The following ZNF521 variants were observed in gnomAD, a reference collection of about 807,000 sequenced individuals.
The protein encoded by ZNF521 is zinc finger protein 521, also known as LYST-interacting protein 3.
In ZNF521, 14 loss-of-function variants were observed where a neutral mutation model predicts 105.5. The observed-to-expected ratio is 0.13, with a 90% CI of 0.09 to 0.21. The LOEUF is 0.21. ZNF521 is among the 10% of genes least tolerant of loss of function. ZNF521 has a pLI of 1.00. For synonymous variants in ZNF521, 635 were observed against 606.0 expected, an observed-to-expected ratio of 1.05 and a Z score of -0.70; for missense variants, 1,233 against 1,629.7, an observed-to-expected ratio of 0.76 and a Z score of 4.19.
intron 4 of ZNF521, among the ~76,000 whole-genome samples, chr18:25,203,380 G>A (rs1253479931): frequency 1.3e-5 from 2 of 152,166 alleles, no homozygotes; most frequent in Non-Finnish European, 2.9e-5. Flanking sequence ...ATTTTGGGAG[G>A]CAGAGGTGAG....
chr18:25,223,705 C>T (rs1340756212), intron 4 of ZNF521, among the ~76,000 whole-genome samples: 1 of 151,140 alleles, frequency 6.6e-6, no homozygotes, highest in African/African-American at 2.4e-5. Context: ...AAAAAAAACG[C>T]ACACATTGAT....
chr18:25,216,061 T>C (rs1905307353), intron 4 of ZNF521, among the ~76,000 whole-genome samples: 1 of 152,356 alleles, frequency 6.6e-6, no homozygotes, highest in East Asian at 1.9e-4. Flanking sequence ...TTTTTGCTCT[T>C]TGCATAATTA....
chr18:25,341,676 A>G (rs886375365), intron 2 of ZNF521, among the ~76,000 whole-genome samples: 1 of 152,202 alleles, frequency 6.6e-6, no homozygotes, highest in African/African-American at 2.4e-5. Flanking sequence ...CGGTGCCAAA[A>G]ATGTTTTTGA....
intron 4 of ZNF521, among the ~76,000 whole-genome samples, chr18:25,210,115 T>C (rs923212482): frequency 3.3e-5 from 5 of 151,952 alleles, no homozygotes; most frequent in African/African-American, 4.8e-5. Flanking sequence ...GTAGATTACA[T>C]ACTATATAAA....
intron 3 of ZNF521, among the ~76,000 whole-genome samples, chr18:25,285,698 T>TCACA (rs66794523): frequency 0.089 from 13,071 of 146,946 alleles, 583 homozygotes; most frequent in South Asian, 0.13. Flanking sequence ...TCTCTCTCTC[T>TCACA]CACACACACA....
At chr18:25,201,621 C>T (rs1165450506) in intron 4 of ZNF521, 2 of 152,116 alleles carry the variant, frequency 1.3e-5, no homozygotes, top group African/African-American at 2.4e-5. Flanking sequence ...CCAGGATGTC[C>T]CATAGCTCTC....
Position 25,157,271 on chromosome 18 carries a change from T to C in ZNF521, c.3658+37889A>G, listed in dbSNP as rs146742751. On this transcript the variant is annotated intron_variant, in intron 5 of 7. Transcript: ENST00000361524. ...AAAATTGAAAATTAAAATGACAGATTGTTGCTACATATCTGATGGAGGGTT... is the reference window on the plus strand; with the variant it reads ...AAAATTGAAAATTAAAATGACAGATCGTTGCTACATATCTGATGGAGGGTT... 1.8e-4 allele frequency among the ~76,000 whole-genome samples: 28 copies of C among 152,302 alleles called. No individual in the cohort carries two copies. In the East Asian group the frequency reaches 4.0e-3, roughly 22 times the overall value.
intron 3 of ZNF521, among the ~76,000 whole-genome samples, chr18:25,248,625 T>C (rs1053948216): frequency 1.4e-4 from 22 of 152,220 alleles, no homozygotes; most frequent in Non-Finnish European, 3.1e-4. Flanking sequence ...ACTTTATCTT[T>C]ATCTAGATAA....
chr18:25,350,796 C>G (rs1232551879), intron 2 of ZNF521, 111 bp downstream of exon 2: 1 of 1,236,692 alleles, frequency 8.1e-7, no homozygotes, highest in Non-Finnish European at 1.1e-6. Context: ...CCCCCGCACT[C>G]ACACTCACAC....
chr18:25,338,889 A>C (rs1172454989), intron 2 of ZNF521, among the ~76,000 whole-genome samples: 2 of 152,234 alleles, frequency 1.3e-5, no homozygotes, highest in Admixed American at 1.3e-4. Flanking sequence ...AATAGAGAAC[A>C]GTTGTTAAAT....
At chr18:25,241,473 A>G (rs1002032383) in intron 3 of ZNF521, among the ~76,000 whole-genome samples, 3 of 152,202 alleles carry the variant, frequency 2.0e-5, no homozygotes, top group African/African-American at 7.2e-5. Flanking sequence ...ACAGGGAACA[A>G]TGCAAACATG....
At chr18:25,091,009 A>G (rs1466351478) in intron 6 of ZNF521, among the ~76,000 whole-genome samples, 1 of 152,240 alleles carries the variant, frequency 6.6e-6, no homozygotes, top group East Asian at 1.9e-4. Flanking sequence ...GTACTCAGTT[A>G]GTAATTGTGC....
intron 3 of ZNF521, among the ~76,000 whole-genome samples, chr18:25,231,951 A>C (rs1313029224): frequency 6.6e-6 from 1 of 152,212 alleles, no homozygotes; most frequent in Admixed American, 6.5e-5. Context: ...CCTGGTCTGC[A>C]AGAAACTGGC....
chr18:25,316,868 TTTTGA>T (rs1912656632), intron 3 of ZNF521, among the ~76,000 whole-genome samples: 1 of 115,780 alleles, frequency 8.6e-6, no homozygotes. Flanking sequence ...TTTTTTTTTT[TTTTGA>T]GACAGAGTTT....
At chr18:25,317,364 T>C (rs972806566) in intron 3 of ZNF521, among the ~76,000 whole-genome samples, 1 of 152,148 alleles carries the variant, frequency 6.6e-6, no homozygotes, top group African/African-American at 2.4e-5. Context: ...AATAATGCCT[T>C]TTGCTTCGAT....
intron 3 of ZNF521, among the ~76,000 whole-genome samples, chr18:25,275,030 T>A (rs1320295721): frequency 1.3e-5 from 2 of 152,144 alleles, no homozygotes; most frequent in Non-Finnish European, 2.9e-5. Context: ...ACAAACCTTA[T>A]CTGGGCTTTC....
At chr18:25,184,928 A>G (rs2035694858) in intron 5 of ZNF521, among the ~76,000 whole-genome samples, 1 of 152,218 alleles carries the variant, frequency 6.6e-6, no homozygotes, top group Non-Finnish European at 1.5e-5. Context: ...AGAATCTCTG[A>G]CTTCAATCCA....
At chr18:25,282,432 T>C (rs12961274) in intron 3 of ZNF521, among the ~76,000 whole-genome samples, 9,454 of 152,036 alleles carry the variant, frequency 0.062, 428 homozygotes, top group Non-Finnish European at 0.086. Flanking sequence ...CACCCAAGCC[T>C]TAGGGGAGGC....
At chr18:25,256,853 A>G (rs62083930) in intron 3 of ZNF521, among the ~76,000 whole-genome samples, 7 of 152,146 alleles carry the variant, frequency 4.6e-5, no homozygotes, top group Admixed American at 2.6e-4. Flanking sequence ...CAAGGTGTAG[A>G]GCATCTCACA....
Sources: allele counts gnomAD v4.1 joint callset (sites outside exome capture counted in the v4.1 genomes callset), GRCh38; gene constraint gnomAD v4.1.1; transcripts MANE v1.5; gene names NCBI Gene and HGNC (gene_info 2026-07-23, HGNC 2026-07-21).